Variants in TMPRSS9 observed in about 807,000 individuals in gnomAD.
TMPRSS9 encodes transmembrane protease serine 9.
Under a neutral mutation model 111.4 loss-of-function variants are expected in TMPRSS9, and 113 were observed. That is an observed-to-expected ratio of 1.01 (90% CI 0.87 to 1.19). The LOEUF is 1.19. Ranked by LOEUF, TMPRSS9 falls within the 50% of genes most tolerant of loss-of-function variation. The pLI, the probability that TMPRSS9 is intolerant of heterozygous loss-of-function variation, is 0.00. For synonymous variants in TMPRSS9, 805 were observed against 659.1 expected, an observed-to-expected ratio of 1.22 and a Z score of -3.39; for missense variants, 1,803 against 1,513.1, an observed-to-expected ratio of 1.19 and a Z score of -3.18.
intron 1 of TMPRSS9, among the ~76,000 whole-genome samples, chr19:2,393,167 C>A (rs561318719): frequency 6.6e-6 from 1 of 152,100 alleles, no homozygotes; most frequent in Non-Finnish European, 1.5e-5. Context: ...GGCTTGGGGA[C>A]CTTTTCACAG....
chr19:2,425,883 G>T, intron 17 of TMPRSS9, 44 bp from the exon 19 acceptor site: 1 of 1,544,538 alleles, frequency 6.5e-7, no homozygotes, highest in East Asian at 2.3e-5. Flanking sequence ...GCTGCTGTAG[G>T]GGAGGTACCG....
At chr19:2,389,013 AC>A (rs1173008045), upstream of TMPRSS9, among the ~76,000 whole-genome samples, 1 of 150,624 alleles carries the variant, frequency 6.6e-6, no homozygotes, top group East Asian at 2.0e-4. Flanking sequence ...CTAGCAATGG[AC>A]CGCAGCGACC....
intron 17 of TMPRSS9, 73 bp from the exon 19 acceptor site, chr19:2,425,854 A>AG: frequency 6.6e-7 from 1 of 1,504,698 alleles, no homozygotes; most frequent in Non-Finnish European, 8.8e-7. Context: ...TCACTCCTAG[A>AG]GGGGCCAATG....
chr19:2,386,293 C>G (rs1970473334), upstream of TMPRSS9, among the ~76,000 whole-genome samples: 1 of 151,714 alleles, frequency 6.6e-6, no homozygotes, highest in South Asian at 2.1e-4. Context: ...ATCACGAGAT[C>G]AGGAGATTGA....
At chr19:2,423,479 G>A (rs1224096369) in intron 14 of TMPRSS9, among the ~76,000 whole-genome samples, 1 of 136,862 alleles carries the variant, frequency 7.3e-6, no homozygotes, top group East Asian at 2.7e-4. Flanking sequence ...GGGGGCGGGG[G>A]GGACCCAGGG....
upstream of TMPRSS9, among the ~76,000 whole-genome samples, chr19:2,387,277 C>A (rs1418167713): frequency 6.6e-6 from 1 of 151,822 alleles, no homozygotes; most frequent in African/African-American, 2.4e-5. Context: ...GGTGGATCAA[C>A]TGAGGTCAGG....
At chr19:2,391,407 C>A in intron 1 of TMPRSS9, among the ~76,000 whole-genome samples, 1 of 142,334 alleles carries the variant, frequency 7.0e-6, no homozygotes. Flanking sequence ...ATTTGTGGAA[C>A]TTCTGGAAAC....
chr19:2,405,682 G>T (rs903317986), intron 7 of TMPRSS9, 137 bp downstream of exon 8: 2 of 930,506 alleles, frequency 2.1e-6, no homozygotes, highest in Non-Finnish European at 2.9e-6. Flanking sequence ...TCTTGCTTTT[G>T]CTGTTGTTGA....
chr19:2,421,711 A>G (rs1360762122), intron 13 of TMPRSS9, 143 bp from the exon 15 acceptor site: 2 of 751,298 alleles, frequency 2.7e-6, no homozygotes, highest in Non-Finnish European at 4.2e-6. Context: ...ATGGGGCTGC[A>G]GTCAGGTCTC....
chr19:2,360,865 C>G (rs1416142014), intron 1 of TMPRSS9, among the ~76,000 whole-genome samples: 1 of 148,754 alleles, frequency 6.7e-6, no homozygotes, highest in African/African-American at 2.5e-5. Context: ...GATTTCTAGA[C>G]GAGGCCAGGC....
intron 1 of TMPRSS9, among the ~76,000 whole-genome samples, chr19:2,368,218 A>G (rs1457645153): frequency 2.0e-5 from 3 of 151,970 alleles, no homozygotes; most frequent in Non-Finnish European, 2.9e-5. Context: ...CCCTTTTCCA[A>G]TGGTTAAGGG....
At chr19:2,394,824 C>T (rs1473877619) in intron 1 of TMPRSS9, among the ~76,000 whole-genome samples, 1 of 151,964 alleles carries the variant, frequency 6.6e-6, no homozygotes, top group Non-Finnish European at 1.5e-5. Context: ...GTAGTTTTAA[C>T]GTATTTTTGA....
intron 5 of TMPRSS9, 53 bp downstream of exon 6, chr19:2,402,069 C>T (rs1223931639): frequency 2.5e-6 from 4 of 1,571,590 alleles, no homozygotes; most frequent in Admixed American, 1.7e-5. Context: ...ACAGAGGTTT[C>T]CTAAGACTCA....
intron 4 of TMPRSS9, among the ~76,000 whole-genome samples, chr19:2,400,321 C>A (rs150112624): frequency 6.6e-6 from 1 of 152,032 alleles, no homozygotes; most frequent in Non-Finnish European, 1.5e-5. Flanking sequence ...GTGGGCTGAT[C>A]ACTTCAGATC....
chr19:2,366,857 A>C (rs1026520481), intron 1 of TMPRSS9, among the ~76,000 whole-genome samples: 12 of 129,712 alleles, frequency 9.3e-5, no homozygotes, highest in African/African-American at 3.6e-4. Flanking sequence ...ACTCCATTTC[A>C]AAAAAAAAAA....
At chr19:2,387,306 C>A (rs1033236739), upstream of TMPRSS9, among the ~76,000 whole-genome samples, 1 of 151,972 alleles carries the variant, frequency 6.6e-6, no homozygotes, top group Non-Finnish European at 1.5e-5. Flanking sequence ...ACCAGCCTGG[C>A]CAACATGGCA....
intron 7 of TMPRSS9, 111 bp from the exon 9 acceptor site, chr19:2,408,245 A>G (rs1375747080): frequency 9.6e-7 from 1 of 1,043,498 alleles, no homozygotes; most frequent in Admixed American, 2.5e-5. Context: ...ATTCATAAAT[A>G]TTAATGTGGG....
intron 1 of TMPRSS9, among the ~76,000 whole-genome samples, chr19:2,364,966 G>A (rs1305095477): frequency 2.7e-5 from 4 of 145,672 alleles, no homozygotes; most frequent in Non-Finnish European, 4.5e-5. Context: ...GCGACGGAGC[G>A]AGACTCCATC....
chr19:2,368,230 A>C (rs1970262407), intron 1 of TMPRSS9, among the ~76,000 whole-genome samples: 1 of 152,070 alleles, frequency 6.6e-6, no homozygotes, highest in South Asian at 2.1e-4. Flanking sequence ...GGTTAAGGGA[A>C]GACAAATGGG....
Sources: allele counts gnomAD v4.1 joint callset (sites outside exome capture counted in the v4.1 genomes callset), GRCh38; gene constraint gnomAD v4.1.1; transcripts MANE v1.5; gene names NCBI Gene and HGNC (gene_info 2026-07-23, HGNC 2026-07-21).